The following SRP19 variants were observed in gnomAD, a reference collection of about 807,000 sequenced individuals.
SRP19 encodes signal recognition particle 19.
Under a neutral mutation model 22.4 loss-of-function variants are expected in SRP19, and 11 were observed. The ratio of observed to expected loss-of-function variants is 0.49; its 90% CI spans 0.31 to 0.81. The LOEUF is 0.81. Ranked by LOEUF, SRP19 falls within the 40% of genes least tolerant of loss-of-function variation. SRP19 has a pLI of 0.05. For missense variants in SRP19, 168 were observed against 175.9 expected, an observed-to-expected ratio of 0.96 and a Z score of 0.25; for synonymous variants, 61 against 57.6, an observed-to-expected ratio of 1.06 and a Z score of -0.27.
chr5:112,872,935 C>T (rs913550454), downstream of SRP19, among the ~76,000 whole-genome samples: 5 of 102,668 alleles, frequency 4.9e-5, no homozygotes, highest in Non-Finnish European at 7.7e-5. Flanking sequence ...ATAGAATTAC[C>T]TTTGGAAGTC....
chr5:112,891,181 T>G (rs1768433615), intron 4 of SRP19, among the ~76,000 whole-genome samples: 1 of 151,998 alleles, frequency 6.6e-6, no homozygotes, highest in African/African-American at 2.4e-5. Context: ...CAAGCAGTTC[T>G]CCTGCCTCAG....
chr5:112,895,591 T>G (rs958242186), downstream of SRP19: 1 of 152,214 alleles, frequency 6.6e-6, no homozygotes, highest in Non-Finnish European at 1.5e-5. Context: ...CTCTAGCTAT[T>G]GTCTTGAGAC....
At chr5:112,887,670 TG>T (rs997234710) in intron 4 of SRP19, among the ~76,000 whole-genome samples, 4 of 152,218 alleles carry the variant, frequency 2.6e-5, no homozygotes, top group Non-Finnish European at 5.9e-5. Flanking sequence ...CTTCCTTTGG[TG>T]GACCTCAGTT....
At chr5:112,865,794 A>G (rs565926245) in intron 4 of SRP19, among the ~76,000 whole-genome samples, 46 of 152,198 alleles carry the variant, frequency 3.0e-4, no homozygotes, top group Non-Finnish European at 4.7e-4. Context: ...GGGTTTCGCC[A>G]TGTTGGCCAG....
chr5:112,875,754 T>TACTA (rs1767879191), intron 4 of SRP19, among the ~76,000 whole-genome samples: 1 of 152,120 alleles, frequency 6.6e-6, no homozygotes, highest in Non-Finnish European at 1.5e-5. Flanking sequence ...GTAAAAAGTT[T>TACTA]ACTACATCAA....
chr5:112,889,968 A>C (rs1234313742), intron 4 of SRP19, among the ~76,000 whole-genome samples: 1 of 150,070 alleles, frequency 6.7e-6, no homozygotes, highest in African/African-American at 2.5e-5. Context: ...CTGGGACTGC[A>C]GGCAAACACC....
intron 2 of SRP19, 52 bp downstream of exon 2, chr5:112,862,635 C>T: frequency 2.0e-6 from 3 of 1,526,826 alleles, no homozygotes; most frequent in Non-Finnish European, 2.7e-6. Context: ...GGGTGTCATC[C>T]TGGTCGGGCC....
downstream of SRP19, chr5:112,896,649 A>C (rs1311866095): frequency 6.6e-6 from 1 of 152,028 alleles, no homozygotes; most frequent in Admixed American, 6.6e-5. Context: ...TCTAAAAATA[A>C]ATCTAGCCAG....
chr5:112,876,839 G>A (rs1767909117), intron 4 of SRP19: 1 of 151,558 alleles, frequency 6.6e-6, no homozygotes, highest in Admixed American at 6.6e-5. Flanking sequence ...AAAAAAAATT[G>A]CATTCAGAAT....
At chr5:112,895,621 T>C (rs1464041681), downstream of SRP19, 1 of 152,234 alleles carries the variant, frequency 6.6e-6, no homozygotes, top group Non-Finnish European at 1.5e-5. Flanking sequence ...ATTACTGCTC[T>C]CTAGCTACAT....
chr5:112,873,678 T>C (rs1767809450), downstream of SRP19, among the ~76,000 whole-genome samples: 2 of 152,272 alleles, frequency 1.3e-5, no homozygotes, highest in South Asian at 4.2e-4. Context: ...TCTTGTCATC[T>C]GCATGTTCCC....
rs1011933079 is a variant in SRP19 at position 112,866,187 on chromosome 5, G to A, written c.302-1217G>A. ...GCTGCAGTGCAATGGCGTGATCTTG[G>A]CTCACCGCAACCTCCGCCTCCCGGG... is the stretch of plus-strand genomic sequence containing the variant. On this transcript the variant is annotated intron_variant, in intron 4 of 4. Transcript: ENST00000505459. Among the ~76,000 whole-genome samples, 17 of 151,300 alleles carry A rather than the reference G, an allele frequency of 1.1e-4. 1 individual carries two copies. The highest frequency in any genetic ancestry group is 1.8e-4 in the Non-Finnish European group (12 of 67,898).
At position 112,868,078 on chromosome 5, in the gene SRP19, T is replaced by C; in HGVS notation, c.*541T>C. The C allele has an allele frequency of 2.0e-6, 2 of 985,410 alleles. No individual in the cohort carries two copies. Among genetic ancestry groups the C allele is most frequent in the South Asian group, 4.7e-5 (1 of 21,292 alleles). 61.0% of individuals were successfully genotyped at this position (985,410 alleles called of 1,614,324 possible). A position where few individuals can be genotyped will look rare whatever the true frequency, so the allele number is the denominator to read the frequency against. ...TAAAAAGCCAGTCTGTAGATGATAT[T>C]TTAATATATTATTGTAATCGAATCG... On this transcript the variant is annotated 3_prime_UTR_variant, in exon 5 of 5. Transcript: ENST00000505459.
rs964791450 is a variant in SRP19 at position 112,868,470 on chromosome 5, G to A, written c.*933G>A. 6.5e-5 allele frequency: 50 copies of A among 764,374 alleles called. No homozygotes were observed. In the South Asian group the frequency reaches 1.1e-3, roughly 17 times the overall value. The allele number at this position is 764,374 out of a possible 1,614,324, so 47.3% of individuals were successfully genotyped here. A position where few individuals can be genotyped will look rare whatever the true frequency, so the allele number is the denominator to read the frequency against. ...GGCTGGAGTGCAATGGCACGATATC[G>A]GCGTACCACAACCTCTGCATCCCAG... On this transcript the variant is annotated 3_prime_UTR_variant, in exon 5 of 5. Transcript: ENST00000505459.
rs200305532 is a variant in SRP19, at chr5:112,867,599, TG to T, written c.*63del. The T allele has an allele frequency of 0.015, 22,006 of 1,463,478 alleles. 250 individuals are homozygous for T. Among genetic ancestry groups the T allele is most frequent in the Non-Finnish European group, 0.016 (17,781 of 1,103,596 alleles). The allele number at this position is 1,463,478 out of a possible 1,614,324, so 90.7% of individuals were successfully genotyped here. A position where few individuals can be genotyped will look rare whatever the true frequency, so the allele number is the denominator to read the frequency against. The stretch of plus-strand genomic sequence containing the variant: ...GAGACATGAATGGAGACTTCTAATT[TG>T]TATCGGAGGGAAACAGAAGCTTTTT... On this transcript the variant is annotated 3_prime_UTR_variant, in exon 5 of 5. Coordinates refer to ENST00000505459, the MANE Select transcript of SRP19 (RefSeq NM_003135.3).
At position 112,867,664 on chromosome 5, in the gene SRP19, C is replaced by T; in HGVS notation, c.*127C>T. 7.3e-7 allele frequency: 1 copy of T among 1,369,638 alleles called. No individual in the cohort carries two copies. Among genetic ancestry groups the T allele is most frequent in the South Asian group, 2.1e-5 (1 of 46,888 alleles). The allele number at this position is 1,369,638 out of a possible 1,614,324, so 84.8% of individuals were successfully genotyped here. ...AACTGAACTGTGAACCCTTGTGCCT[C>T]TCATCTTTATCATCGGAGTTGACAG... On this transcript the variant is annotated 3_prime_UTR_variant, in exon 5 of 5. Transcript: ENST00000505459.
At chr5:112,869,841 C>T (rs559434098), downstream of SRP19, 7 of 152,482 alleles carry the variant, frequency 4.6e-5, no homozygotes, top group African/African-American at 1.7e-4. Flanking sequence ...TTGTAAGTTT[C>T]CTGAGGCCTT....
chr5:112,887,283 C>T, intron 4 of SRP19: 1 of 1,138,962 alleles, frequency 8.8e-7, no homozygotes. Flanking sequence ...GGAGATGCCT[C>T]TGTTATTTTC....
At chr5:112,881,544 G>A (rs923328268) in intron 4 of SRP19, among the ~76,000 whole-genome samples, 12 of 152,164 alleles carry the variant, frequency 7.9e-5, no homozygotes, top group Non-Finnish European at 1.5e-4. Context: ...TGAGGACACT[G>A]CTTTCTCAAG....
Sources: allele counts gnomAD v4.1 joint callset (sites outside exome capture counted in the v4.1 genomes callset), GRCh38; gene constraint gnomAD v4.1.1; transcripts MANE v1.5; gene names NCBI Gene and HGNC (gene_info 2026-07-23, HGNC 2026-07-21).